CSMD1: variants seen among roughly 807,000 people sequenced by gnomAD.
The protein encoded by CSMD1 is CUB and sushi domain-containing protein 1.
Under a neutral mutation model 417.5 loss-of-function variants are expected in CSMD1, and 213 were observed. The observed-to-expected ratio is 0.51, with a 90% CI of 0.46 to 0.57. The LOEUF (loss-of-function observed/expected upper bound fraction) is 0.57. Among genes scored for constraint, CSMD1 ranks in the 20% least tolerant of loss-of-function variants. The pLI is 0.00. For synonymous variants in CSMD1, 2,862 were observed against 1,736.8 expected (o/e 1.65, Z -16.11); for missense variants, 6,923 against 4,529.7 (o/e 1.53, Z -15.17).
intron 11 of CSMD1, among the ~76,000 whole-genome samples, chr8:3,481,912 T>A (rs1817770644): frequency 6.6e-6 from 1 of 152,204 alleles, no homozygotes; most frequent in Non-Finnish European, 1.5e-5. Context: ...TTTCTGCTGT[T>A]TTGAGCCACC....
At chr8:3,864,515 C>A (rs965850116) in intron 5 of CSMD1, among the ~76,000 whole-genome samples, 1 of 152,124 alleles carries the variant, frequency 6.6e-6, no homozygotes, top group East Asian at 1.9e-4. Context: ...ATGTGCACAA[C>A]GTGCAGGTTT....
rs146098541 is a variant in CSMD1 at position 3,672,883 on chromosome 8, G to T, written c.1009+35531C>A. ...TCCTCCTTCAGGTTTTTCAATCCAT[G>T]AAAATCCATGGTTTTTCTATCTTAA... On this transcript the variant is annotated intron_variant, in intron 7 of 69. Coordinates refer to ENST00000635120, the MANE Select transcript of CSMD1 (RefSeq NM_033225.6). Among the ~76,000 whole-genome samples, 85 of 152,258 alleles carry T rather than the reference G, an allele frequency of 5.6e-4. 1 individual carries two copies. The East Asian group carries it at 7.7e-3, about 14-fold the overall frequency.
chr8:3,718,430 A>G (rs1801962716), intron 6 of CSMD1, among the ~76,000 whole-genome samples: 1 of 152,168 alleles, frequency 6.6e-6, no homozygotes, highest in Non-Finnish European at 1.5e-5. Context: ...GGTCAGGAAA[A>G]TCATCCTCTG....
At chr8:3,507,078 G>C (rs1181070770) in intron 10 of CSMD1, among the ~76,000 whole-genome samples, 4 of 152,192 alleles carry the variant, frequency 2.6e-5, no homozygotes, top group East Asian at 1.9e-4. Flanking sequence ...CATGGTTACA[G>C]TTTTACAAAT....
chr8:2,988,077 C>T (rs1260178966), intron 54 of CSMD1, among the ~76,000 whole-genome samples: 2 of 152,138 alleles, frequency 1.3e-5, no homozygotes, highest in Admixed American at 6.5e-5. Context: ...GCTATTTTAA[C>T]ATTAGCTTAC....
chr8:3,915,822 G>A (rs1408602278), intron 5 of CSMD1, among the ~76,000 whole-genome samples: 1 of 142,666 alleles, frequency 7.0e-6, no homozygotes, highest in African/African-American at 2.6e-5. Flanking sequence ...TATGCATTTT[G>A]GGGTTTAACA....
intron 5 of CSMD1, among the ~76,000 whole-genome samples, chr8:3,923,849 G>C (rs1449479314): frequency 1.3e-5 from 2 of 152,246 alleles, no homozygotes; most frequent in South Asian, 2.1e-4. Context: ...CCATAGATAA[G>C]TGAAATCATG....
intron 3 of CSMD1, among the ~76,000 whole-genome samples, chr8:4,105,258 C>A (rs1801509076): frequency 6.6e-6 from 1 of 152,044 alleles, no homozygotes; most frequent in East Asian, 1.9e-4. Context: ...GATCAACGGC[C>A]GTATTCAACT....
intron 3 of CSMD1, among the ~76,000 whole-genome samples, chr8:4,214,711 C>T (rs1439046481): frequency 6.6e-6 from 1 of 152,058 alleles, no homozygotes; most frequent in Non-Finnish European, 1.5e-5. Flanking sequence ...TGGATATAGG[C>T]AAGAGTTCAT....
At chr8:4,935,274 C>T (rs1407236053) in intron 1 of CSMD1, among the ~76,000 whole-genome samples, 1 of 152,186 alleles carries the variant, frequency 6.6e-6, no homozygotes, top group Non-Finnish European at 1.5e-5. Context: ...ATATCCTCAA[C>T]CTGAAATTGT....
intron 2 of CSMD1, among the ~76,000 whole-genome samples, chr8:4,540,219 C>T (rs1372529965): frequency 6.6e-6 from 1 of 152,150 alleles, no homozygotes; most frequent in East Asian, 1.9e-4. Context: ...TAAACTGCTG[C>T]TGGTTTGCTC....
chr8:3,518,773 T>C (rs188148240), intron 10 of CSMD1, among the ~76,000 whole-genome samples: 127 of 152,262 alleles, frequency 8.3e-4, no homozygotes, highest in African/African-American at 3.0e-3. Flanking sequence ...CTCTGTTTGT[T>C]AGAATTAATT....
chr8:4,767,308 T>C (rs28454490), intron 1 of CSMD1, among the ~76,000 whole-genome samples: 2,747 of 152,330 alleles, frequency 0.018, 65 homozygotes, highest in African/African-American at 0.063. Flanking sequence ...ATCATGGTGA[T>C]AGAAAATAGA....
At chr8:4,186,400 G>C (rs1025988738) in intron 3 of CSMD1, among the ~76,000 whole-genome samples, 7 of 152,108 alleles carry the variant, frequency 4.6e-5, no homozygotes, top group Admixed American at 1.3e-4. Context: ...CCCCAAGACA[G>C]TCCAGTCCCT....
At chr8:4,607,168 T>A (rs947133166) in intron 2 of CSMD1, among the ~76,000 whole-genome samples, 1 of 152,170 alleles carries the variant, frequency 6.6e-6, no homozygotes, top group Non-Finnish European at 1.5e-5. Flanking sequence ...ACGATCCTTG[T>A]ACTCAAGGAA....
chr8:3,670,894 G>GGGA (rs1563255612), intron 7 of CSMD1, among the ~76,000 whole-genome samples: 1 of 127,870 alleles, frequency 7.8e-6, no homozygotes, highest in South Asian at 2.6e-4. Context: ...ATATATGTAT[G>GGGA]TGATATATAT....
intron 2 of CSMD1, among the ~76,000 whole-genome samples, chr8:4,458,149 G>A (rs1296330535): frequency 6.6e-6 from 1 of 151,988 alleles, no homozygotes; most frequent in East Asian, 1.9e-4. Context: ...TGGTTTTGCT[G>A]TCTTGAGTGG....
chr8:4,277,857 C>T (rs867690163), intron 3 of CSMD1, among the ~76,000 whole-genome samples: 3 of 152,148 alleles, frequency 2.0e-5, no homozygotes, highest in Admixed American at 1.3e-4. Flanking sequence ...ACACCATTCT[C>T]CTGCCTCAGC....
At chr8:3,836,594 A>C (rs959548050) in intron 5 of CSMD1, among the ~76,000 whole-genome samples, 4 of 152,160 alleles carry the variant, frequency 2.6e-5, no homozygotes, top group African/African-American at 7.2e-5. Flanking sequence ...AAGCATATTT[A>C]AGTAATTTAT....
Sources: gnomAD v4.1 joint callset for allele counts (sites outside exome capture counted in the v4.1 genomes callset) on GRCh38, gnomAD v4.1.1 for gene constraint, MANE v1.5 for transcripts, NCBI Gene and HGNC (gene_info 2026-07-23, HGNC 2026-07-21) for gene names.